PCDH15: variants seen among roughly 807,000 people sequenced by gnomAD.
PCDH15 encodes the protein protocadherin-15.
PCDH15 carries 129 observed loss-of-function variants against 178.5 expected under a neutral mutation model. The observed-to-expected ratio is 0.72, with a 90% CI of 0.63 to 0.84. The LOEUF is 0.84. Among genes scored for constraint, PCDH15 ranks in the 40% least tolerant of loss-of-function variants. The probability of loss-of-function intolerance (pLI) is 0.00; values close to 1 mark genes in which losing one functional copy is unlikely to be tolerated. For synonymous variants in PCDH15, 800 were observed against 732.0 expected (o/e 1.09, Z -1.50); for missense variants, 2,230 against 2,099.9 (o/e 1.06, Z -1.21).
At chr10:54,975,029 C>A (rs529226797) in intron 2 of PCDH15, among the ~76,000 whole-genome samples, 1 of 152,268 alleles carries the variant, frequency 6.6e-6, no homozygotes, top group East Asian at 1.9e-4. Context: ...CAGCTACTAG[C>A]TTTTCTATTG....
At chr10:55,063,070 T>A (rs1312163126) in intron 2 of PCDH15, among the ~76,000 whole-genome samples, 1 of 152,152 alleles carries the variant, frequency 6.6e-6, no homozygotes, top group African/African-American at 2.4e-5. Context: ...GAACAGCTAT[T>A]CAAATTGTCC....
At chr10:55,105,478 C>T (rs374566307) in intron 2 of PCDH15, among the ~76,000 whole-genome samples, 1 of 152,086 alleles carries the variant, frequency 6.6e-6, no homozygotes, top group Non-Finnish European at 1.5e-5. Flanking sequence ...ACTTAAGATG[C>T]TTTGTATCAT....
intron 2 of PCDH15, among the ~76,000 whole-genome samples, chr10:55,405,306 A>ATAT (rs1165251657): frequency 7.4e-5 from 10 of 135,336 alleles, no homozygotes; most frequent in Admixed American, 1.5e-4. Context: ...ATATATATAC[A>ATAT]ATTTAATGTC....
At chr10:55,012,430 T>TA (rs951793870) in intron 2 of PCDH15, among the ~76,000 whole-genome samples, 4 of 152,152 alleles carry the variant, frequency 2.6e-5, no homozygotes, top group Non-Finnish European at 5.9e-5. Flanking sequence ...TTTAGCTACC[T>TA]AACTGTGGCC....
chr10:55,065,245 T>C (rs1841533254), intron 2 of PCDH15, among the ~76,000 whole-genome samples: 1 of 152,108 alleles, frequency 6.6e-6, no homozygotes, highest in Non-Finnish European at 1.5e-5. Context: ...TACCATCTAC[T>C]TCCAATCCCC....
At chr10:54,167,613 C>G (rs1350926295) in intron 13 of PCDH15, among the ~76,000 whole-genome samples, 1 of 151,904 alleles carries the variant, frequency 6.6e-6, no homozygotes, top group Non-Finnish European at 1.5e-5. Flanking sequence ...AACCCCTTCT[C>G]TCCTTGTCTC....
chr10:53,987,720 T>C (rs182889225), intron 21 of PCDH15, among the ~76,000 whole-genome samples: 1 of 152,014 alleles, frequency 6.6e-6, no homozygotes, highest in East Asian at 1.9e-4. Flanking sequence ...CGCCCATGGG[T>C]TCCTAATCAA....
At chr10:55,209,993 G>A (rs1449272398) in intron 1 of PCDH15, among the ~76,000 whole-genome samples, 2 of 151,978 alleles carry the variant, frequency 1.3e-5, no homozygotes, top group Non-Finnish European at 2.9e-5. Context: ...ATAGAAGAAT[G>A]AGTGTGCAAG....
At chr10:54,421,039 T>C (rs1041393878) in intron 3 of PCDH15, among the ~76,000 whole-genome samples, 14 of 152,110 alleles carry the variant, frequency 9.2e-5, no homozygotes, top group African/African-American at 2.7e-4. Context: ...ATTATTATCA[T>C]ACCCTATAGC....
At chr10:55,154,143 A>G (rs1838818454) in intron 2 of PCDH15, among the ~76,000 whole-genome samples, 1 of 152,170 alleles carries the variant, frequency 6.6e-6, no homozygotes, top group South Asian at 2.1e-4. Flanking sequence ...AGATAATTTT[A>G]GAGACCACTA....
chr10:55,439,558 G>A (rs1209070572), intron 2 of PCDH15, among the ~76,000 whole-genome samples: 10 of 151,534 alleles, frequency 6.6e-5, no homozygotes, highest in Admixed American at 6.6e-4. Context: ...GAGTAAATAT[G>A]TATCAGGTTG....
At chr10:54,552,235 C>G (rs1465652593) in intron 2 of PCDH15, among the ~76,000 whole-genome samples, 1 of 152,068 alleles carries the variant, frequency 6.6e-6, no homozygotes, top group Non-Finnish European at 1.5e-5. Context: ...ATAGGACCAC[C>G]CCTCATCTAT....
At chr10:55,540,480 T>G (rs761209031) in intron 2 of PCDH15, among the ~76,000 whole-genome samples, 4 of 152,140 alleles carry the variant, frequency 2.6e-5, no homozygotes, top group Non-Finnish European at 4.4e-5. Flanking sequence ...GTTTTCCTAT[T>G]GCATAAAATC....
chr10:55,030,510 C>T (rs1840583982), intron 2 of PCDH15, among the ~76,000 whole-genome samples: 1 of 152,096 alleles, frequency 6.6e-6, no homozygotes. Flanking sequence ...AATCTGGACG[C>T]TGAGCTCAGA....
At chr10:55,456,428 AT>A (rs1343670591) in intron 2 of PCDH15, among the ~76,000 whole-genome samples, 1 of 152,026 alleles carries the variant, frequency 6.6e-6, no homozygotes, top group Non-Finnish European at 1.5e-5. Flanking sequence ...ATGATCATTT[AT>A]TTCCTTCATG....
At chr10:54,345,796 C>A (rs188716868) in intron 6 of PCDH15, among the ~76,000 whole-genome samples, 6 of 74,800 alleles carry the variant, frequency 8.0e-5, no homozygotes, top group Admixed American at 2.2e-4. Context: ...AGCGAGACTC[C>A]GTCTCAAAAA....
intron 3 of PCDH15, among the ~76,000 whole-genome samples, chr10:54,410,402 T>C (rs906258504): frequency 1.3e-5 from 2 of 152,172 alleles, no homozygotes; most frequent in African/African-American, 4.8e-5. Context: ...GGCTTTTAAT[T>C]TATTTCTTTT....
rs76100123 is a variant in PCDH15, at chr10:54,393,168, A to G, written c.158-14226T>C. Among the ~76,000 whole-genome samples, 110 of 152,292 alleles carry G rather than the reference A, an allele frequency of 7.2e-4. 1 individual carries two copies. The East Asian group carries it at 0.02, about 27-fold the overall frequency. On this transcript the variant is annotated intron_variant, in intron 3 of 37. Coordinates refer to ENST00000644397, the MANE Select transcript of PCDH15 (RefSeq NM_001384140.1). ...CAGCCTTACTACATACAAGCTGTCA[A>G]CAAACTCTGTTCTAAACACAGTGGT...
intron 28 of PCDH15, among the ~76,000 whole-genome samples, chr10:53,852,618 T>C (rs7093510): frequency 6.6e-6 from 1 of 152,146 alleles, no homozygotes; most frequent in African/African-American, 2.4e-5. Context: ...CAAAGTGTAC[T>C]GATCTTTGTA....
Sources: gnomAD v4.1 joint callset for allele counts (sites outside exome capture counted in the v4.1 genomes callset) on GRCh38, gnomAD v4.1.1 for gene constraint, MANE v1.5 for transcripts, NCBI Gene and HGNC (gene_info 2026-07-23, HGNC 2026-07-21) for gene names.